The following SESN1 variants were observed in gnomAD, a reference collection of about 807,000 sequenced individuals.
SESN1 encodes sestrin-1.
In SESN1, 30 loss-of-function variants were observed where a neutral mutation model predicts 59.3. That is an observed-to-expected ratio of 0.51 (90% CI 0.38 to 0.69). The LOEUF is 0.69. SESN1 is among the 30% of genes least tolerant of loss of function. SESN1 has a pLI of 0.00. For synonymous variants in SESN1, 197 were observed against 219.9 expected (o/e 0.90, Z 0.92); for missense variants, 566 against 673.0 (o/e 0.84, Z 1.76).
chr6:109,008,234 C>A (rs1779774683), intron 1 of SESN1, among the ~76,000 whole-genome samples: 3 of 152,164 alleles, frequency 2.0e-5, no homozygotes. Context: ...CAGATCTATT[C>A]AAGCATGATG....
chr6:108,987,486 C>T lies in SESN1; in HGVS notation c.*58G>A. The T allele has an allele frequency of 1.1e-6, 1 of 918,706 alleles. No individual in the cohort carries two copies. The highest frequency in any genetic ancestry group is 1.7e-6 in the Non-Finnish European group (1 of 571,532). The allele number at this position is 918,706 out of a possible 1,614,324, so 56.9% of individuals were successfully genotyped here. A position where few individuals can be genotyped will look rare whatever the true frequency, so the allele number is the denominator to read the frequency against. ...ATTGGTCCTGGGGCTTAGTACCTTC[C>T]CCCTTGTAGACTATATCTGCTGATC... On this transcript the variant is annotated 3_prime_UTR_variant, in exon 10 of 10. Coordinates refer to ENST00000436639, the MANE Select transcript of SESN1 (RefSeq NM_014454.3).
At chr6:109,051,018 A>C (rs1347566061) in intron 1 of SESN1, among the ~76,000 whole-genome samples, 1 of 152,200 alleles carries the variant, frequency 6.6e-6, no homozygotes, top group Non-Finnish European at 1.5e-5. Context: ...GAAGGGCTGA[A>C]TACCTTTTTT....
At chr6:108,988,271 C>T (rs771726987) in intron 9 of SESN1, 3 of 282,026 alleles carry the variant, frequency 1.1e-5, no homozygotes, top group African/African-American at 2.2e-5. Flanking sequence ...TCTACCTATA[C>T]ACAGCTTTTA....
Position 108,987,182 on chromosome 6 carries a change from C to T in SESN1, c.*362G>A, listed in dbSNP as rs769756298. ...AATTCTTTACATATAAAGCTTAAGT[C>T]ATTATCCAAGTCCCATTCTTTGCAT... On this transcript the variant is annotated 3_prime_UTR_variant, in exon 10 of 10. Coordinates refer to ENST00000436639, the MANE Select transcript of SESN1 (RefSeq NM_014454.3). 1 of 176,686 alleles carries T rather than the reference C, an allele frequency of 5.7e-6. No individual in the cohort carries two copies. The allele number at this position is 176,686 out of a possible 1,614,324, so 10.9% of individuals were successfully genotyped here.
intron 1 of SESN1, among the ~76,000 whole-genome samples, chr6:109,053,268 C>T (rs1780573050): frequency 1.3e-5 from 2 of 152,014 alleles, no homozygotes. Context: ...GAAATTGGGG[C>T]TCAGAGATAA....
intron 7 of SESN1, among the ~76,000 whole-genome samples, chr6:108,991,091 A>C (rs1023804115): frequency 2.0e-5 from 3 of 151,760 alleles, no homozygotes; most frequent in Non-Finnish European, 4.4e-5. Context: ...ACAAAAAAAA[A>C]CTAATAGTCT....
chr6:109,035,548 G>GA (rs555690232), intron 1 of SESN1, among the ~76,000 whole-genome samples: 15,081 of 144,290 alleles, frequency 0.1, 891 homozygotes, highest in Middle Eastern at 0.19. Context: ...CCGGCAGAGG[G>GA]AAAAAAAAAA....
rs965142175 is a variant in SESN1, at chr6:109,094,293, T to C, written c.-220A>G. On this transcript the variant is annotated 5_prime_UTR_variant, in exon 1 of 10. Coordinates refer to ENST00000436639, the MANE Select transcript of SESN1 (RefSeq NM_014454.3). Reference sequence around the variant, plus strand: ...CCTTGTACACGAAAGGGCAGTCTTCTTTCTGGAAAAACAAAGTTTGAAAGT... The same window carrying C: ...CCTTGTACACGAAAGGGCAGTCTTCCTTCTGGAAAAACAAAGTTTGAAAGT... The C allele has an allele frequency of 3.6e-6, 2 of 552,168 alleles. No individual in the cohort carries two copies. The highest frequency in any genetic ancestry group is 1.9e-5 in the African/African-American group (1 of 52,410). The allele number at this position is 552,168 out of a possible 1,614,324, so 34.2% of individuals were successfully genotyped here.
intron 1 of SESN1, among the ~76,000 whole-genome samples, chr6:109,066,160 G>A (rs2114460205): frequency 6.6e-6 from 1 of 152,142 alleles, no homozygotes; most frequent in Non-Finnish European, 1.5e-5. Flanking sequence ...CTTGATTTTT[G>A]GCTTAATAAC....
intron 1 of SESN1, among the ~76,000 whole-genome samples, chr6:109,044,749 C>T (rs1417690154): frequency 1.3e-5 from 2 of 151,918 alleles, no homozygotes; most frequent in Non-Finnish European, 1.5e-5. Flanking sequence ...CTCAGCCGGG[C>T]GCAGTGGCTC....
At chr6:108,992,969 G>A (rs1779420849) in intron 6 of SESN1, 70 bp from the exon 7 acceptor site, 3 of 953,322 alleles carry the variant, frequency 3.1e-6, no homozygotes, top group East Asian at 2.5e-5. Context: ...ACCCAAAGGA[G>A]TAAAAATGGC....
chr6:109,033,877 T>C (rs1373035394), intron 1 of SESN1, among the ~76,000 whole-genome samples: 2 of 152,216 alleles, frequency 1.3e-5, no homozygotes, highest in South Asian at 2.1e-4. Context: ...AGTGATAAGA[T>C]GACAATCAGA....
At chr6:108,993,081 AT>A (rs1009310330) in intron 6 of SESN1, 182 bp from the exon 7 acceptor site, 1 of 524,678 alleles carries the variant, frequency 1.9e-6, no homozygotes, top group African/African-American at 1.9e-5. Context: ...GTAAAAGGAG[AT>A]TTTCTGTTAT....
intron 1 of SESN1, among the ~76,000 whole-genome samples, chr6:109,027,312 A>C (rs1780111464): frequency 1.3e-5 from 2 of 151,848 alleles, no homozygotes; most frequent in Non-Finnish European, 2.9e-5. Context: ...GTCTCTACTA[A>C]AAATATAAAA....
chr6:109,086,388 C>A, intron 1 of SESN1, among the ~76,000 whole-genome samples: 1 of 152,166 alleles, frequency 6.6e-6, no homozygotes, highest in East Asian at 1.9e-4. Flanking sequence ...ACCCAAGATT[C>A]CACAGCTACT....
At chr6:109,004,803 A>C (rs1316479343) in intron 1 of SESN1, among the ~76,000 whole-genome samples, 1 of 152,206 alleles carries the variant, frequency 6.6e-6, no homozygotes, top group African/African-American at 2.4e-5. Context: ...AAAATGCTTG[A>C]CACTCAAAAC....
intron 1 of SESN1, chr6:109,008,945 CACAAG>C (rs757145838): frequency 1.0e-6 from 1 of 992,574 alleles, no homozygotes; most frequent in African/African-American, 1.7e-5. Context: ...AATCTGTTTT[CACAAG>C]ACAAGACAAT....
chr6:109,085,238 G>A (rs1433204765), intron 1 of SESN1, among the ~76,000 whole-genome samples: 1 of 151,998 alleles, frequency 6.6e-6, no homozygotes, highest in East Asian at 1.9e-4. Flanking sequence ...TACAATCACT[G>A]GCCAGGCGCA....
intron 7 of SESN1, among the ~76,000 whole-genome samples, chr6:108,991,511 G>A (rs1404767505): frequency 6.6e-6 from 1 of 152,042 alleles, no homozygotes; most frequent in African/African-American, 2.4e-5. Flanking sequence ...CAAAGTGCTG[G>A]GATTACACGT....
Sources: gnomAD v4.1 joint callset for allele counts (sites outside exome capture counted in the v4.1 genomes callset) on GRCh38, gnomAD v4.1.1 for gene constraint, MANE v1.5 for transcripts, NCBI Gene and HGNC (gene_info 2026-07-23, HGNC 2026-07-21) for gene names.